Variants in MIA2 observed in about 807,000 individuals in gnomAD.
MIA2 encodes melanoma inhibitory activity protein 2.
MIA2 carries 127 observed loss-of-function variants against 167.8 expected under a neutral mutation model. The ratio of observed to expected loss-of-function variants is 0.76; its 90% CI spans 0.66 to 0.88. MIA2 has a LOEUF of 0.88. Among genes scored for constraint, MIA2 ranks in the 40% least tolerant of loss-of-function variants. The pLI, the probability that MIA2 is intolerant of heterozygous loss-of-function variation, is 0.00. For synonymous variants in MIA2, 552 were observed against 541.9 expected (o/e 1.02, Z -0.26); for missense variants, 1,690 against 1,624.7 (o/e 1.04, Z -0.69).
At chr14:39,327,804 C>T (rs914927272) in intron 25 of MIA2, among the ~76,000 whole-genome samples, 3 of 152,098 alleles carry the variant, frequency 2.0e-5, no homozygotes, top group Non-Finnish European at 4.4e-5. Flanking sequence ...TGAACTCATT[C>T]TTTTTTATGG....
chr14:39,298,689 G>T (rs1464232358), intron 13 of MIA2, among the ~76,000 whole-genome samples: 1 of 150,854 alleles, frequency 6.6e-6, no homozygotes, highest in East Asian at 2.0e-4. Context: ...TTTGTGAATT[G>T]CCTGCTCAGT....
chr14:39,264,342 ACCG>A (rs1328447448), intron 6 of MIA2, among the ~76,000 whole-genome samples: 2 of 152,134 alleles, frequency 1.3e-5, no homozygotes, highest in African/African-American at 4.8e-5. Context: ...TATCCAATGC[ACCG>A]TTGATGGGCA....
At position 39,250,346 on chromosome 14, in the gene MIA2, C is replaced by G. The variant is rs1478461163; in HGVS notation, c.1567+2205C>G. Among the ~76,000 whole-genome samples the G allele has an allele frequency of 1.2e-4, 18 of 149,776 alleles. 1 individual carries two copies. The South Asian group carries it at 3.8e-3, about 32-fold the overall frequency. On this transcript the variant is annotated intron_variant, in intron 4 of 28. Transcript: ENST00000640607. ...TACTTGGGAGGCTGAGGTGGGAAAT[C>G]ACTTGAGCCTAGGAGTTCGAGGCCG...
intron 6 of MIA2, among the ~76,000 whole-genome samples, chr14:39,262,104 T>C (rs188112197): frequency 2.7e-4 from 41 of 152,324 alleles, no homozygotes; most frequent in Non-Finnish European, 4.3e-4. Flanking sequence ...GGTTTTCTTC[T>C]AGGGTTTTTA....
At chr14:39,263,877 G>T (rs762902264) in intron 6 of MIA2, among the ~76,000 whole-genome samples, 1 of 151,866 alleles carries the variant, frequency 6.6e-6, no homozygotes, top group African/African-American at 2.4e-5. Context: ...CGAGTGATTC[G>T]CCCGCCTTGG....
chr14:39,286,685 C>G (rs1188497865), intron 9 of MIA2, among the ~76,000 whole-genome samples: 1 of 118,830 alleles, frequency 8.4e-6, no homozygotes. Flanking sequence ...CCTTCTCTTC[C>G]TTCCTTCTTA....
At chr14:39,331,124 T>C (rs2068762596) in intron 25 of MIA2, among the ~76,000 whole-genome samples, 1 of 152,218 alleles carries the variant, frequency 6.6e-6, no homozygotes. Flanking sequence ...GAACTTGCTT[T>C]ATGAATCTGC....
At chr14:39,254,440 T>C (rs1049188933) in intron 6 of MIA2, among the ~76,000 whole-genome samples, 1 of 152,208 alleles carries the variant, frequency 6.6e-6, no homozygotes. Flanking sequence ...CTATCAATGC[T>C]GTCAAATAAA....
At chr14:39,283,082 T>C (rs978800639) in intron 9 of MIA2, among the ~76,000 whole-genome samples, 4 of 152,266 alleles carry the variant, frequency 2.6e-5, no homozygotes, top group Admixed American at 6.5e-5. Flanking sequence ...TCCACCTTTT[T>C]ATGGCTGAGT....
At chr14:39,298,542 T>TTTTTG (rs1555375951) in intron 13 of MIA2, among the ~76,000 whole-genome samples, 5 of 97,024 alleles carry the variant, frequency 5.2e-5, no homozygotes, top group Non-Finnish European at 9.9e-5. Flanking sequence ...TTTTTTTTTT[T>TTTTTG]TTTTTTTTTT....
chr14:39,238,811 A>AAAAAAAAAAAAAAAAAAAAAAAAAAAAAC, intron 2 of MIA2, among the ~76,000 whole-genome samples: 5 of 103,606 alleles, frequency 4.8e-5, no homozygotes, highest in African/African-American at 1.2e-4. Context: ...AAAAAAAAAA[A>AAAAAAAAAAAAAAAAAAAAAAAAAAAAAC]CCCAAAAAAC....
At chr14:39,244,876 CA>C (rs1271788837) in intron 3 of MIA2, among the ~76,000 whole-genome samples, 1 of 151,952 alleles carries the variant, frequency 6.6e-6, no homozygotes, top group Non-Finnish European at 1.5e-5. Context: ...CTCCCAGGCT[CA>C]AGTGATCTTC....
rs558506916 is a variant in MIA2 at position 39,319,525 on chromosome 14, A to G, written c.3367+234A>G. On this transcript the variant is annotated intron_variant, in intron 23 of 28. Transcript: ENST00000640607. ...TTATTTCTCAGTGGGATTTTGTAAG[A>G]TGATACATATTTAGTACTTTGAGCT... is the stretch of plus-strand genomic sequence containing the variant. Among the ~76,000 whole-genome samples, 5 of 151,970 alleles carry G rather than the reference A, an allele frequency of 3.3e-5. No individual in the cohort carries two copies. The East Asian group carries it at 7.7e-4, about 23-fold the overall frequency.
chr14:39,267,371 C>G (rs1200750163), intron 6 of MIA2: 1 of 1,593,550 alleles, frequency 6.3e-7, no homozygotes, highest in Non-Finnish European at 8.5e-7. Flanking sequence ...GATTCGGGTT[C>G]CGGACCGAAG....
chr14:39,295,377 G>T (rs1310995606), intron 13 of MIA2, among the ~76,000 whole-genome samples: 2 of 152,106 alleles, frequency 1.3e-5, no homozygotes, highest in Non-Finnish European at 2.9e-5. Context: ...TCTGGTGGCA[G>T]ATCACATAAG....
At chr14:39,328,815 A>G (rs187531514) in intron 25 of MIA2, among the ~76,000 whole-genome samples, 116 of 152,016 alleles carry the variant, frequency 7.6e-4, no homozygotes, top group African/African-American at 2.7e-3. Flanking sequence ...GTTTTGTTCC[A>G]TTGTTCTATA....
intron 25 of MIA2, among the ~76,000 whole-genome samples, chr14:39,338,288 G>A (rs2070928269): frequency 6.6e-6 from 1 of 152,158 alleles, no homozygotes. Context: ...TATGAAAGAC[G>A]TAAACATTGA....
intron 6 of MIA2, among the ~76,000 whole-genome samples, chr14:39,256,997 T>C (rs1348307134): frequency 6.6e-6 from 1 of 152,218 alleles, no homozygotes; most frequent in Non-Finnish European, 1.5e-5. Context: ...TCCATTCTTT[T>C]GCATTTGCTG....
intron 6 of MIA2, chr14:39,266,408 G>C (rs1400719235): frequency 1.0e-6 from 1 of 985,266 alleles, no homozygotes; most frequent in East Asian, 1.1e-4. Flanking sequence ...CCTCTTCTCG[G>C]AGGAAAACAG....
Sources: allele counts gnomAD v4.1 joint callset (sites outside exome capture counted in the v4.1 genomes callset), GRCh38; gene constraint gnomAD v4.1.1; transcripts MANE v1.5; gene names NCBI Gene and HGNC (gene_info 2026-07-23, HGNC 2026-07-21).